The following ERBB4 variants were observed in gnomAD, a reference collection of about 807,000 sequenced individuals.
ERBB4 encodes the protein receptor tyrosine-protein kinase erbB-4.
In ERBB4, 42 loss-of-function variants were observed where a neutral mutation model predicts 158.0. That is an observed-to-expected ratio of 0.27 (90% CI 0.21 to 0.34). ERBB4 has a LOEUF of 0.34. Ranked by LOEUF, ERBB4 falls within the 10% of genes least tolerant of loss-of-function variation. ERBB4 has a pLI of 1.00. For missense variants in ERBB4, 1,333 were observed against 1,624.1 expected, an observed-to-expected ratio of 0.82 and a Z score of 3.08; for synonymous variants, 583 against 558.7, an observed-to-expected ratio of 1.04 and a Z score of -0.61.
chr2:211,981,681 C>G lies in ERBB4; in HGVS notation c.235-34065G>C, dbSNP rs868493520. ...CCTCACATCACTTCTAGCAATTTTT[C>G]CCTGTGGACACTTTTGTACATACCA... On this transcript the variant is annotated intron_variant, in intron 2 of 27. Coordinates refer to ENST00000342788, the MANE Select transcript of ERBB4 (RefSeq NM_005235.3). Among the ~76,000 whole-genome samples the G allele has an allele frequency of 1.4e-4, 22 of 152,252 alleles. No homozygotes were observed. The Middle Eastern group carries it at 0.01, about 71-fold the overall frequency.
At chr2:212,281,261 A>G (rs977340080) in intron 1 of ERBB4, among the ~76,000 whole-genome samples, 14 of 151,758 alleles carry the variant, frequency 9.2e-5, no homozygotes, top group Non-Finnish European at 8.8e-5. Flanking sequence ...TCTTTCCAAG[A>G]TGTTTAAAGC....
At chr2:211,824,358 A>T (rs1351854568) in intron 3 of ERBB4, among the ~76,000 whole-genome samples, 1 of 151,984 alleles carries the variant, frequency 6.6e-6, no homozygotes, top group African/African-American at 2.4e-5. Context: ...TAACGTATGC[A>T]GTTCTGTTGT....
chr2:211,408,986 C>G (rs981630250), intron 25 of ERBB4, among the ~76,000 whole-genome samples: 4 of 152,140 alleles, frequency 2.6e-5, no homozygotes, highest in Non-Finnish European at 5.9e-5. Context: ...CAAAATAGTA[C>G]TTCGTAGTCT....
At chr2:212,221,011 C>G (rs1032444174) in intron 1 of ERBB4, among the ~76,000 whole-genome samples, 1 of 151,406 alleles carries the variant, frequency 6.6e-6, no homozygotes, top group African/African-American at 2.4e-5. Context: ...GACATTTTGT[C>G]CAACCCAGTA....
At chr2:211,951,117 G>A (rs2080863307) in intron 2 of ERBB4, among the ~76,000 whole-genome samples, 1 of 152,086 alleles carries the variant, frequency 6.6e-6, no homozygotes, top group Non-Finnish European at 1.5e-5. Flanking sequence ...TACAACATAT[G>A]ATAAGATCCA....
chr2:212,315,595 T>C (rs2087237255), intron 1 of ERBB4, among the ~76,000 whole-genome samples: 2 of 151,536 alleles, frequency 1.3e-5, no homozygotes, highest in Non-Finnish European at 1.5e-5. Flanking sequence ...ATTACAGTTA[T>C]AGTTTCTTGT....
intron 1 of ERBB4, among the ~76,000 whole-genome samples, chr2:212,369,461 A>C (rs1001623209): frequency 2.6e-5 from 4 of 152,004 alleles, no homozygotes; most frequent in Admixed American, 2.6e-4. Context: ...ATATATAAGT[A>C]TCTGTCCAAA....
intron 20 of ERBB4, among the ~76,000 whole-genome samples, chr2:211,515,861 T>C (rs10189716): frequency 0.49 from 67,934 of 138,470 alleles, 18,207 homozygotes; most frequent in African/African-American, 0.71. Context: ...GTCTTTGAGG[T>C]AGTGACTGTT....
intron 9 of ERBB4, among the ~76,000 whole-genome samples, chr2:211,708,824 G>T (rs953208057): frequency 6.6e-6 from 1 of 152,072 alleles, no homozygotes; most frequent in East Asian, 1.9e-4. Flanking sequence ...TTTATTGGAG[G>T]AAACCTAGTG....
intron 2 of ERBB4, among the ~76,000 whole-genome samples, chr2:212,027,017 T>A: frequency 6.6e-6 from 1 of 152,042 alleles, no homozygotes; most frequent in South Asian, 2.1e-4. Flanking sequence ...TTTGTAATAT[T>A]TGTATTTGCA....
At chr2:211,968,908 C>T (rs1471028753) in intron 2 of ERBB4, among the ~76,000 whole-genome samples, 3 of 151,944 alleles carry the variant, frequency 2.0e-5, no homozygotes, top group South Asian at 2.1e-4. Flanking sequence ...AATATCATTA[C>T]AACCCATTGA....
At chr2:211,432,413 G>T (rs1464536711) in intron 20 of ERBB4, among the ~76,000 whole-genome samples, 1 of 152,160 alleles carries the variant, frequency 6.6e-6, no homozygotes, top group Non-Finnish European at 1.5e-5. Flanking sequence ...GATACTGCCT[G>T]ATATGGTCTA....
At position 212,105,604 on chromosome 2, in the gene ERBB4, A is replaced by G. The variant is rs558300403; in HGVS notation, c.234+19148T>C. ...ATTCAATTAAAATGCATTTGTGTCGAAAAATGTTTCAATAAAATTTAAAAT... is the reference window on the plus strand; with the variant it reads ...ATTCAATTAAAATGCATTTGTGTCGGAAAATGTTTCAATAAAATTTAAAAT... On this transcript the variant is annotated intron_variant, in intron 2 of 27. Transcript: ENST00000342788. Among the ~76,000 whole-genome samples the G allele has an allele frequency of 2.0e-5, 3 of 152,342 alleles. No individual in the cohort carries two copies. The South Asian group carries it at 6.2e-4, about 32-fold the overall frequency.
chr2:211,765,223 C>T (rs774404115), intron 4 of ERBB4, among the ~76,000 whole-genome samples: 1 of 152,094 alleles, frequency 6.6e-6, no homozygotes, highest in Non-Finnish European at 1.5e-5. Context: ...GAAACACCCA[C>T]CTTGAGCTCA....
intron 22 of ERBB4, 70 bp from the exon 23 acceptor site, chr2:211,424,371 G>T: frequency 9.2e-7 from 1 of 1,087,722 alleles, no homozygotes; most frequent in Non-Finnish European, 1.4e-6. Flanking sequence ...CACTATACCA[G>T]TAGTAAAAGA....
intron 3 of ERBB4, among the ~76,000 whole-genome samples, chr2:211,791,620 G>T (rs867295980): frequency 2.2e-4 from 33 of 151,940 alleles, no homozygotes; most frequent in Non-Finnish European, 3.8e-4. Flanking sequence ...GACACAGATA[G>T]ATTCTTGGTC....
intron 12 of ERBB4, among the ~76,000 whole-genome samples, chr2:211,682,552 T>A (rs2072393331): frequency 6.6e-6 from 1 of 152,136 alleles, no homozygotes; most frequent in South Asian, 2.1e-4. Context: ...AAATGAACAA[T>A]CACAGGTACT....
At chr2:211,724,348 C>CTT (rs560874073) in intron 6 of ERBB4, among the ~76,000 whole-genome samples, 2 of 137,694 alleles carry the variant, frequency 1.5e-5, no homozygotes, top group South Asian at 2.3e-4. Flanking sequence ...AAGTGTCTTT[C>CTT]TTTTTTTTTT....
At chr2:212,074,416 T>G (rs2125452033) in intron 2 of ERBB4, among the ~76,000 whole-genome samples, 1 of 152,104 alleles carries the variant, frequency 6.6e-6, no homozygotes, top group Middle Eastern at 3.4e-3. Context: ...TAGCACATCA[T>G]TAAGGGTAAT....
Sources: allele counts gnomAD v4.1 joint callset (sites outside exome capture counted in the v4.1 genomes callset), GRCh38; gene constraint gnomAD v4.1.1; transcripts MANE v1.5; gene names NCBI Gene and HGNC (gene_info 2026-07-23, HGNC 2026-07-21).